The following MRPS27 variants were observed in gnomAD, a reference collection of about 807,000 sequenced individuals.
The protein encoded by MRPS27 is small ribosomal subunit protein mS27.
MRPS27 carries 43 observed loss-of-function variants against 48.9 expected under a neutral mutation model. The observed-to-expected ratio is 0.88, with a 90% confidence interval of 0.69 to 1.13. The LOEUF (loss-of-function observed/expected upper bound fraction) is 1.13, where lower values mean the gene tolerates loss of function less well. MRPS27 is among the 50% of genes most tolerant of loss of function. MRPS27 has a pLI of 0.00. For missense variants in MRPS27, 467 were observed against 476.3 expected (o/e 0.98, Z 0.18); for synonymous variants, 188 against 171.9 (o/e 1.09, Z -0.73).
chr5:72,276,990 C>T (rs1749395085), intron 4 of MRPS27, among the ~76,000 whole-genome samples: 1 of 151,934 alleles, frequency 6.6e-6, no homozygotes, highest in African/African-American at 2.4e-5. Flanking sequence ...GAGATCACGC[C>T]ACTGCATTCC....
intron 4 of MRPS27, among the ~76,000 whole-genome samples, chr5:72,293,330 T>G (rs950818615): frequency 1.3e-5 from 2 of 152,042 alleles, no homozygotes; most frequent in African/African-American, 4.8e-5. Context: ...AGAGTCAATT[T>G]TCTTGGTAAT....
In MRPS27 at chr5:72,221,063, A is replaced by G; in HGVS notation, c.1091T>C (p.Leu364Pro). 1 of 1,614,132 alleles carries G rather than the reference A, an allele frequency of 6.2e-7. No homozygotes were observed. The highest frequency in any genetic ancestry group is 8.5e-7 in the Non-Finnish European group (1 of 1,180,026). Residue 364 changes from leucine (L) to proline (P), a missense_variant, in exon 11 of 11, where the codon CTC (leucine) becomes CCC (proline). By Grantham distance (98) the Leu-to-Pro change is moderately conservative (BLOSUM62 -3). Coordinates refer to ENST00000261413, the MANE Select transcript of MRPS27 (RefSeq NM_015084.3). ...SLTTQLVKEK[L>P]STCEAEDIAT... is the part of the protein sequence containing the mutation. ...GATGTCCTCTGCTTCACAGGTGGAGAGTTTTTCCTTGACAAGCTGGGTGGT... is the reference window on the plus strand; with the variant it reads ...GATGTCCTCTGCTTCACAGGTGGAGGGTTTTTCCTTGACAAGCTGGGTGGT...
chr5:72,257,242 G>A (rs1409888435), intron 4 of MRPS27, among the ~76,000 whole-genome samples: 2 of 152,204 alleles, frequency 1.3e-5, no homozygotes, highest in Middle Eastern at 3.4e-3. Context: ...CTCTGTTATC[G>A]TTTCCAGCGC....
intron 4 of MRPS27, among the ~76,000 whole-genome samples, chr5:72,284,854 G>C (rs542982584): frequency 1.4e-3 from 208 of 152,060 alleles, no homozygotes; most frequent in African/African-American, 4.7e-3. Context: ...TTCAATCACT[G>C]CACAGTATTC....
intron 4 of MRPS27, among the ~76,000 whole-genome samples, chr5:72,250,261 T>C (rs1748630356): frequency 6.6e-6 from 1 of 152,256 alleles, no homozygotes; most frequent in Admixed American, 6.5e-5. Flanking sequence ...TGTACCCTGC[T>C]TCTCTCACTT....
At chr5:72,312,413 G>C (rs555630553) in intron 2 of MRPS27, among the ~76,000 whole-genome samples, 150 of 151,932 alleles carry the variant, frequency 9.9e-4, no homozygotes, top group African/African-American at 3.4e-3. Context: ...CGCCACTCCT[G>C]GTATTTGAAT....
chr5:72,287,114 T>C (rs1255580860), intron 4 of MRPS27, among the ~76,000 whole-genome samples: 1 of 152,030 alleles, frequency 6.6e-6, no homozygotes, highest in East Asian at 1.9e-4. Flanking sequence ...GAACCCTCCC[T>C]TTGCAAGGGA....
intron 7 of MRPS27, among the ~76,000 whole-genome samples, chr5:72,232,023 A>G (rs1748075787): frequency 6.6e-6 from 1 of 152,302 alleles, no homozygotes; most frequent in Middle Eastern, 3.4e-3. Context: ...CCAAAACTTG[A>G]TATTCTAGAC....
intron 4 of MRPS27, among the ~76,000 whole-genome samples, chr5:72,292,374 T>G (rs542317667): frequency 9.2e-5 from 14 of 152,156 alleles, no homozygotes; most frequent in Non-Finnish European, 1.5e-4. Flanking sequence ...TCCCAGAGAA[T>G]AGACCACGGC....
intron 6 of MRPS27, 78 bp downstream of exon 6, chr5:72,234,041 G>C: frequency 1.5e-6 from 2 of 1,327,242 alleles, no homozygotes; most frequent in Non-Finnish European, 1.9e-6. Context: ...AATAAAAAAG[G>C]GGAAGTTCCT....
chr5:72,223,977 T>C lies in MRPS27; in HGVS notation c.838-127A>G, dbSNP rs1009518100. On this transcript the variant is annotated intron_variant, in intron 9 of 10. Transcript: ENST00000261413. ...AAAGACTGTGAAAACATTTCTCTTA[T>C]AAAATTGTAGGAAATATAAATGGTT... The C allele has an allele frequency of 2.5e-5, 24 of 947,302 alleles. No homozygotes were observed. The East Asian group carries it at 3.7e-4, about 15-fold the overall frequency. The allele number at this position is 947,302 out of a possible 1,614,324, so 58.7% of individuals were successfully genotyped here.
chr5:72,309,596 T>G (rs746315183), intron 2 of MRPS27, among the ~76,000 whole-genome samples: 1 of 152,156 alleles, frequency 6.6e-6, no homozygotes, highest in Non-Finnish European at 1.5e-5. Context: ...TGGCAAACAG[T>G]TACTGCTTAC....
At chr5:72,304,124 A>G (rs1244841816) in intron 2 of MRPS27, among the ~76,000 whole-genome samples, 2 of 152,094 alleles carry the variant, frequency 1.3e-5, no homozygotes, top group African/African-American at 2.4e-5. Context: ...GTCCTAAAGG[A>G]TAGTAGAGTG....
At chr5:72,315,126 T>C (rs1750531956) in intron 1 of MRPS27, among the ~76,000 whole-genome samples, 1 of 152,198 alleles carries the variant, frequency 6.6e-6, no homozygotes, top group African/African-American at 2.4e-5. Flanking sequence ...CTTTTGTGCT[T>C]TGAAGTACAA....
At chr5:72,278,197 C>T (rs563841460) in intron 4 of MRPS27, among the ~76,000 whole-genome samples, 2 of 152,202 alleles carry the variant, frequency 1.3e-5, no homozygotes, top group South Asian at 4.1e-4. Context: ...AATCCCAGCA[C>T]TTTGGGAGGC....
chr5:72,307,667 A>AT (rs1561364026), intron 2 of MRPS27, among the ~76,000 whole-genome samples: 1 of 144,032 alleles, frequency 6.9e-6, no homozygotes, highest in Non-Finnish European at 1.5e-5. Flanking sequence ...TCAAATGTTA[A>AT]AACACTAAAA....
Position 72,220,873 on chromosome 5 carries a change from G to A in MRPS27, c.*36C>T. On this transcript the variant is annotated 3_prime_UTR_variant, in exon 11 of 11. Transcript: ENST00000261413. ...GAGTCCTGGCACGGGGTTGAGTGAAGTTCTTGTGAGACAGGTGGGGCCCTG... is the reference window on the plus strand; with the variant it reads ...GAGTCCTGGCACGGGGTTGAGTGAAATTCTTGTGAGACAGGTGGGGCCCTG... The A allele has an allele frequency of 6.2e-7, 1 of 1,611,984 alleles. No homozygotes were observed. Among genetic ancestry groups the A allele is most frequent in the East Asian group, 2.2e-5 (1 of 44,852 alleles).
chr5:72,261,376 C>T lies in MRPS27; in HGVS notation c.282-23248G>A, dbSNP rs555100246. Among the ~76,000 whole-genome samples the T allele has an allele frequency of 3.3e-5, 5 of 152,220 alleles. No homozygotes were observed. In the South Asian group the frequency reaches 1.0e-3, roughly 32 times the overall value. On this transcript the variant is annotated intron_variant, in intron 4 of 10. Transcript: ENST00000261413. The stretch of plus-strand genomic sequence containing the variant: ...AAGCAATTCTCTTGCCTCAGCCTCC[C>T]GAGTGGCTGGGATTACAGACGCCAC...
rs79832471 is a variant in MRPS27 at position 72,251,564 on chromosome 5, A to G, written c.282-13436T>C. Among the ~76,000 whole-genome samples, 566 of 152,332 alleles carry G rather than the reference A, an allele frequency of 3.7e-3. 1 individual carries two copies. The highest frequency in any genetic ancestry group is 0.013 in the African/African-American group (550 of 41,574). On this transcript the variant is annotated intron_variant, in intron 4 of 10. Transcript: ENST00000261413. ...GGATTATACTGGTTTCCACAAGATT[A>G]GCAAAGCACTCTTATAATACAATGG...
Sources: allele counts gnomAD v4.1 joint callset (sites outside exome capture counted in the v4.1 genomes callset), GRCh38; gene constraint gnomAD v4.1.1; transcripts MANE v1.5; gene names NCBI Gene and HGNC (gene_info 2026-07-23, HGNC 2026-07-21).